Variants in CHM observed in about 807,000 individuals in gnomAD.
The protein encoded by CHM is rab proteins geranylgeranyltransferase component A 1.
In CHM, 10 loss-of-function variants were observed where a neutral mutation model predicts 49.0. The observed-to-expected ratio is 0.20, with a 90% CI of 0.13 to 0.35. CHM has a LOEUF of 0.35. Among genes scored for constraint, CHM ranks in the 10% least tolerant of loss-of-function variants. The pLI is 1.00. For missense variants in CHM, 455 were observed against 478.4 expected (o/e 0.95, Z 0.46); for synonymous variants, 184 against 167.5 (o/e 1.10, Z -0.76).
At chrX:86,012,706 C>T (rs1933130056) in intron 2 of CHM, among the ~76,000 whole-genome samples, 1 of 111,366 alleles carries the variant, frequency 9.0e-6, no homozygotes, top group African/African-American at 3.3e-5. Flanking sequence ...TTTTTACCAA[C>T]CCAGAAGTTG....
At chrX:85,899,609 A>G (rs1926115621) in intron 11 of CHM, among the ~76,000 whole-genome samples, 1 of 109,491 alleles carries the variant, frequency 9.1e-6, no homozygotes, top group Non-Finnish European at 1.9e-5. Flanking sequence ...TTTTTTTAAA[A>G]ACACATTTAA....
intron 2 of CHM, among the ~76,000 whole-genome samples, chrX:86,008,297 A>T (rs1245959203): frequency 9.0e-6 from 1 of 110,852 alleles, no homozygotes; most frequent in Non-Finnish European, 1.9e-5. Context: ...TAGGAGAAAT[A>T]CCTAATGTAA....
At chrX:86,042,544 A>C (rs1934507548) in intron 1 of CHM, among the ~76,000 whole-genome samples, 1 of 110,574 alleles carries the variant, frequency 9.0e-6, no homozygotes, top group Non-Finnish European at 1.9e-5. Flanking sequence ...TCGACCAGGC[A>C]CAGTGGCTCC....
chrX:86,042,332 GGGTAATTTATA>G (rs1934496670), intron 1 of CHM, among the ~76,000 whole-genome samples: 1 of 111,409 alleles, frequency 9.0e-6, no homozygotes, highest in African/African-American at 3.3e-5. Context: ...GCCTGAAACT[GGGTAATTTATA>G]AAGAAAAGAG....
At chrX:85,913,946 G>A (rs956600725) in intron 8 of CHM, among the ~76,000 whole-genome samples, 1 of 111,106 alleles carries the variant, frequency 9.0e-6, no homozygotes, top group Non-Finnish European at 1.9e-5. Flanking sequence ...GCAGGCCCCA[G>A]GGCTGAAAAG....
chrX:85,937,007 C>A (rs1336335852), intron 8 of CHM, among the ~76,000 whole-genome samples: 11 of 111,298 alleles, frequency 9.9e-5, no homozygotes, highest in Non-Finnish European at 1.9e-4. Flanking sequence ...TGGCTCACGC[C>A]TGTAATCCCA....
At chrX:85,996,374 G>C (rs557166436) in intron 2 of CHM, among the ~76,000 whole-genome samples, 1 of 111,925 alleles carries the variant, frequency 8.9e-6, no homozygotes, top group Middle Eastern at 4.6e-3. Flanking sequence ...AAATTGACTT[G>C]ACGAATATAG....
chrX:85,932,579 T>G (rs1928500108), intron 8 of CHM, among the ~76,000 whole-genome samples: 1 of 112,201 alleles, frequency 8.9e-6, no homozygotes, highest in African/African-American at 3.2e-5. Context: ...AAAACACTTC[T>G]GAGTCGCACT....
chrX:86,024,956 G>A (rs1036271465), intron 2 of CHM, among the ~76,000 whole-genome samples: 11 of 111,032 alleles, frequency 9.9e-5, no homozygotes, highest in Admixed American at 2.9e-4. Context: ...CCATGTTAAG[G>A]TGCCTGTGGA....
Position 85,864,799 on chromosome X carries a change from A to G in CHM, c.1793T>C (p.Ile598Thr). 8.3e-7 allele frequency: 1 copy of G among 1,208,380 alleles called. No homozygotes were observed. The highest frequency in any genetic ancestry group is 1.1e-6 in the Non-Finnish European group (1 of 893,653). ...VKQAETLFQEICPNEDFCPPP... is the reference protein window; with the variant it reads ...VKQAETLFQETCPNEDFCPPP... ...GGGACAGAAATCTTCATTGGGGCAG[A>G]TTTCCTGGAAAAGTGTTTCAGCCTG... is the stretch of plus-strand genomic sequence containing the variant. Residue 598 changes from isoleucine to threonine, a missense_variant, in exon 15 of 15, where the codon ATC becomes ACC. By Grantham distance (89) the Ile-to-Thr change is moderately conservative. Transcript: ENST00000357749.
Position 85,972,058 on chromosome X carries a change from T to C in CHM, c.314+6709A>G, listed in dbSNP as rs768921260. On this transcript the variant is annotated intron_variant, in intron 4 of 14. Coordinates refer to ENST00000357749, the MANE Select transcript of CHM (RefSeq NM_000390.4). Reference sequence around the variant, plus strand: ...AGAGCAGCTAGATACAGAGTGTCGATTGGTGCACTCACAAACCTTGAGCTA... The same window carrying C: ...AGAGCAGCTAGATACAGAGTGTCGACTGGTGCACTCACAAACCTTGAGCTA... Among the ~76,000 whole-genome samples the C allele has an allele frequency of 4.4e-3, 490 of 110,392 alleles. 1 individual carries two copies. The highest frequency in any genetic ancestry group is 7.3e-3 in the Non-Finnish European group (385 of 52,616).
intron 2 of CHM, among the ~76,000 whole-genome samples, chrX:86,016,033 T>A (rs1933284777): frequency 9.1e-6 from 1 of 110,452 alleles, no homozygotes; most frequent in African/African-American, 3.3e-5. Flanking sequence ...CTCAGGAGGC[T>A]AAGGCACAAG....
intron 12 of CHM, among the ~76,000 whole-genome samples, chrX:85,891,020 C>T (rs1484909734): frequency 9.0e-6 from 1 of 111,522 alleles, no homozygotes; most frequent in Non-Finnish European, 1.9e-5. Flanking sequence ...TATGTTTTAG[C>T]AAAGAGACTG....
chrX:85,923,886 CCAAGCAGAAAG>C (rs1927940625), intron 8 of CHM, among the ~76,000 whole-genome samples: 1 of 110,298 alleles, frequency 9.1e-6, no homozygotes, highest in Admixed American at 9.8e-5. Context: ...GAAGAACATT[CCAAGCAGAAAG>C]AAAATGAAAT....
At chrX:86,046,279 G>T (rs1010720416) in intron 1 of CHM, among the ~76,000 whole-genome samples, 1 of 111,921 alleles carries the variant, frequency 8.9e-6, no homozygotes. Context: ...GATGGAATGG[G>T]CCTTTGGAAA....
At chrX:86,025,553 T>A (rs1283590165) in intron 2 of CHM, among the ~76,000 whole-genome samples, 1 of 109,137 alleles carries the variant, frequency 9.2e-6, no homozygotes, top group East Asian at 2.9e-4. Flanking sequence ...GGCATGCACC[T>A]GTAGTCCTAG....
intron 12 of CHM, 80 bp from the exon 13 acceptor site, chrX:85,879,143 G>T: frequency 1.5e-6 from 1 of 689,342 alleles, no homozygotes; most frequent in Non-Finnish European, 2.2e-6. Flanking sequence ...CTGGTATTAT[G>T]GATAATAGAG....
chrX:85,956,054 T>C (rs1230295806), intron 8 of CHM, 99 bp downstream of exon 8: 3 of 660,497 alleles, frequency 4.5e-6, no homozygotes, highest in South Asian at 2.4e-5. Flanking sequence ...TATTTGCATA[T>C]ACTAAATCTT....
intron 8 of CHM, among the ~76,000 whole-genome samples, chrX:85,921,653 G>A (rs889051917): frequency 4.5e-4 from 50 of 112,001 alleles, no homozygotes; most frequent in African/African-American, 1.1e-3. Flanking sequence ...AGCTAAAACC[G>A]TAAACTGAAA....
Sources: allele counts gnomAD v4.1 joint callset (sites outside exome capture counted in the v4.1 genomes callset), GRCh38; gene constraint gnomAD v4.1.1; transcripts MANE v1.5; gene names NCBI Gene and HGNC (gene_info 2026-07-23, HGNC 2026-07-21).